Variants in COP1 observed in about 807,000 individuals in gnomAD.
The protein encoded by COP1 is E3 ubiquitin-protein ligase COP1.
A neutral mutation model predicts 101.3 loss-of-function variants in COP1; 24 were observed. The observed-to-expected ratio is 0.24, with a 90% CI of 0.17 to 0.33. COP1 has a LOEUF of 0.33. COP1 is among the 10% of genes least tolerant of loss of function. The pLI is 1.00. For synonymous variants in COP1, 347 were observed against 341.9 expected, an observed-to-expected ratio of 1.01 and a Z score of -0.17; for missense variants, 663 against 906.2, an observed-to-expected ratio of 0.73 and a Z score of 3.45.
chr1:175,955,263 T>G (rs1250392371), intron 18 of COP1, among the ~76,000 whole-genome samples: 6 of 151,884 alleles, frequency 4.0e-5, no homozygotes, highest in African/African-American at 1.5e-4. Flanking sequence ...AAAGAAAAAG[T>G]AATGTAATCA....
intron 9 of COP1, among the ~76,000 whole-genome samples, chr1:176,090,839 G>A (rs1558088216): frequency 6.6e-6 from 1 of 152,160 alleles, no homozygotes; most frequent in African/African-American, 2.4e-5. Flanking sequence ...TATTGGAAGA[G>A]TTGATGGCTG....
intron 15 of COP1, among the ~76,000 whole-genome samples, chr1:176,010,764 T>A (rs943437425): frequency 2.6e-5 from 4 of 152,180 alleles, no homozygotes; most frequent in African/African-American, 7.2e-5. Context: ...AACAAACACA[T>A]CTTATTTTTT....
At chr1:176,065,341 G>C (rs1675725397) in intron 11 of COP1, among the ~76,000 whole-genome samples, 1 of 152,198 alleles carries the variant, frequency 6.6e-6, no homozygotes, top group African/African-American at 2.4e-5. Context: ...ATCTTACTAA[G>C]AAGTTTTAAA....
chr1:176,011,731 A>G (rs1664708790), intron 15 of COP1, among the ~76,000 whole-genome samples: 1 of 152,226 alleles, frequency 6.6e-6, no homozygotes, highest in Non-Finnish European at 1.5e-5. Flanking sequence ...AGATAATGAC[A>G]TTTCATGATG....
intron 15 of COP1, among the ~76,000 whole-genome samples, chr1:176,015,923 A>AT (rs754567984): frequency 2.0e-5 from 3 of 152,160 alleles, no homozygotes; most frequent in African/African-American, 7.2e-5. Flanking sequence ...CTGTAATATG[A>AT]TTTTTTTAAA....
At chr1:176,023,995 T>C (rs1013288976) in intron 15 of COP1, among the ~76,000 whole-genome samples, 4 of 151,850 alleles carry the variant, frequency 2.6e-5, no homozygotes, top group Admixed American at 2.6e-4. Context: ...TGGTAGCTCA[T>C]GCCTGTAATC....
At chr1:176,152,456 T>G (rs1011664520) in intron 5 of COP1, among the ~76,000 whole-genome samples, 3 of 152,084 alleles carry the variant, frequency 2.0e-5, no homozygotes, top group African/African-American at 7.2e-5. Context: ...TTAGATTTTT[T>G]TTTTTTCTTG....
chr1:176,099,733 T>C lies in COP1; in HGVS notation c.1027-13843A>G, dbSNP rs940458736. The stretch of plus-strand genomic sequence containing the variant: ...AGTCAAGCTCGACTTGCAGAGCCAA[T>C]AAAAGCCCCTTGGGAAAAATGGCCT... On this transcript the variant is annotated intron_variant, in intron 9 of 19. Transcript: ENST00000367669. Among the ~76,000 whole-genome samples, 3 of 152,142 alleles carry C rather than the reference T, an allele frequency of 2.0e-5. No homozygotes were observed. The East Asian group carries it at 5.8e-4, about 29-fold the overall frequency.
At chr1:176,160,661 C>T (rs943066817) in intron 5 of COP1, among the ~76,000 whole-genome samples, 1 of 151,838 alleles carries the variant, frequency 6.6e-6, no homozygotes, top group Non-Finnish European at 1.5e-5. Context: ...GGCCAAAAAA[C>T]GTATGAAAAA....
chr1:176,133,191 C>T (rs866072416), intron 8 of COP1, among the ~76,000 whole-genome samples: 2 of 130,194 alleles, frequency 1.5e-5, no homozygotes, highest in African/African-American at 2.5e-5. Flanking sequence ...TATATACGTA[C>T]GTATATGTAC....
intron 15 of COP1, among the ~76,000 whole-genome samples, chr1:175,994,823 T>G (rs1029741614): frequency 1.3e-5 from 2 of 152,074 alleles, no homozygotes; most frequent in Non-Finnish European, 2.9e-5. Flanking sequence ...ACTGTCAACA[T>G]TAGACAGATC....
At chr1:175,960,215 G>A (rs1446810406) in intron 18 of COP1, among the ~76,000 whole-genome samples, 1 of 152,166 alleles carries the variant, frequency 6.6e-6, no homozygotes, top group Non-Finnish European at 1.5e-5. Context: ...CATAGACAGA[G>A]TGACAGAGTA....
intron 5 of COP1, 63 bp downstream of exon 5, chr1:176,162,806 C>T (rs1431610231): frequency 2.1e-6 from 3 of 1,418,908 alleles, no homozygotes; most frequent in African/African-American, 1.4e-5. Context: ...AAACTTTCTA[C>T]GTCTTTTTTA....
chr1:175,951,462 A>ATATATATATATATAT (rs1491471530), intron 18 of COP1, among the ~76,000 whole-genome samples: 7 of 49,628 alleles, frequency 1.4e-4, no homozygotes, highest in African/African-American at 3.1e-4. Context: ...ATATATATAT[A>ATATATATATATATAT]AAAACTTCCA....
At chr1:175,999,571 T>C (rs1661100373) in intron 15 of COP1, among the ~76,000 whole-genome samples, 1 of 152,034 alleles carries the variant, frequency 6.6e-6, no homozygotes, top group East Asian at 1.9e-4. Context: ...GCAAAAAACA[T>C]GGGAATGCAG....
chr1:176,081,107 C>A, intron 11 of COP1, 45 bp downstream of exon 11: 1 of 1,489,150 alleles, frequency 6.7e-7, no homozygotes, highest in Non-Finnish European at 9.2e-7. Context: ...CAATTAGATT[C>A]TAGACATTCT....
chr1:176,105,135 T>G (rs1259050676), intron 9 of COP1, among the ~76,000 whole-genome samples: 1 of 152,132 alleles, frequency 6.6e-6, no homozygotes, highest in Non-Finnish European at 1.5e-5. Context: ...CTAAAGAAGG[T>G]AAGTAGAAAT....
At chr1:176,149,221 A>G in intron 5 of COP1, 147 bp from the exon 6 acceptor site, 1 of 446,544 alleles carries the variant, frequency 2.2e-6, no homozygotes, top group Non-Finnish European at 4.0e-6. Flanking sequence ...TTCCCATTCC[A>G]TTTGCTAATT....
intron 10 of COP1, 38 bp downstream of exon 10, chr1:176,085,738 G>C: frequency 1.6e-5 from 19 of 1,196,756 alleles, no homozygotes; most frequent in Non-Finnish European, 2.2e-5. Flanking sequence ...GATCTGAAAT[G>C]TAGATTTCAG....
Sources: gnomAD v4.1 joint callset for allele counts (sites outside exome capture counted in the v4.1 genomes callset) on GRCh38, gnomAD v4.1.1 for gene constraint, MANE v1.5 for transcripts, NCBI Gene and HGNC (gene_info 2026-07-23, HGNC 2026-07-21) for gene names.